The following NTN1 variants were observed in gnomAD, a reference collection of about 807,000 sequenced individuals.
NTN1 encodes the protein netrin 1.
Under a neutral mutation model 54.2 loss-of-function variants are expected in NTN1, and 11 were observed. The observed-to-expected ratio is 0.20, with a 90% CI of 0.13 to 0.34. NTN1 has a LOEUF of 0.34. Among genes scored for constraint, NTN1 ranks in the 10% least tolerant of loss-of-function variants. NTN1 has a pLI of 1.00. For synonymous variants in NTN1, 371 were observed against 382.0 expected, an observed-to-expected ratio of 0.97 and a Z score of 0.33; for missense variants, 740 against 893.1, an observed-to-expected ratio of 0.83 and a Z score of 2.18.
chr17:9,027,994 G>A (rs183591591), intron 2 of NTN1, among the ~76,000 whole-genome samples: 58 of 152,110 alleles, frequency 3.8e-4, no homozygotes, highest in East Asian at 3.3e-3. Flanking sequence ...GCATAGTGGC[G>A]GGTGCCGGTA....
chr17:9,150,706 G>A (rs1348380503), intron 2 of NTN1, among the ~76,000 whole-genome samples: 2 of 152,176 alleles, frequency 1.3e-5, no homozygotes, highest in Non-Finnish European at 2.9e-5. Flanking sequence ...TGTTCGTTAG[G>A]AGGGGATTGT....
chr17:9,017,939 G>A (rs1451594571), upstream of NTN1, among the ~76,000 whole-genome samples: 2 of 152,152 alleles, frequency 1.3e-5, no homozygotes, highest in Non-Finnish European at 2.9e-5. Context: ...AAGATAACTG[G>A]GAACATTTTG....
intron 2 of NTN1, among the ~76,000 whole-genome samples, chr17:9,071,928 G>A (rs544906888): frequency 1.6e-4 from 24 of 152,312 alleles, no homozygotes; most frequent in Admixed American, 1.2e-3. Flanking sequence ...TTATATGGTG[G>A]CCCCTACATT....
At chr17:9,138,565 C>T (rs1252357398) in intron 2 of NTN1, among the ~76,000 whole-genome samples, 4 of 152,228 alleles carry the variant, frequency 2.6e-5, no homozygotes, top group African/African-American at 9.7e-5. Context: ...CCAGACAGAG[C>T]CTCATTCCCA....
chr17:9,188,166 C>T (rs62068204), intron 5 of NTN1, among the ~76,000 whole-genome samples: 7,606 of 152,210 alleles, frequency 0.05, 245 homozygotes, highest in Non-Finnish European at 0.077. Context: ...CAGTGGCTCA[C>T]GCCTGTAATC....
At chr17:9,027,553 A>G (rs1159913944) in intron 2 of NTN1, among the ~76,000 whole-genome samples, 1 of 152,192 alleles carries the variant, frequency 6.6e-6, no homozygotes, top group Non-Finnish European at 1.5e-5. Flanking sequence ...AATGAATGGC[A>G]GTGATATATC....
intron 2 of NTN1, among the ~76,000 whole-genome samples, chr17:9,105,116 G>A (rs2092161837): frequency 6.6e-6 from 1 of 152,310 alleles, no homozygotes; most frequent in East Asian, 1.9e-4. Flanking sequence ...GAAAAGACGT[G>A]GTGTTAGCCC....
intron 5 of NTN1, among the ~76,000 whole-genome samples, chr17:9,203,551 C>A (rs1904873626): frequency 6.6e-6 from 1 of 152,056 alleles, no homozygotes; most frequent in African/African-American, 2.4e-5. Context: ...GTAATCCCAG[C>A]ACTTTGGGAG....
At chr17:9,237,087 C>T (rs1231127885) in intron 6 of NTN1, among the ~76,000 whole-genome samples, 2 of 152,238 alleles carry the variant, frequency 1.3e-5, no homozygotes, top group Non-Finnish European at 2.9e-5. Flanking sequence ...CCAACATCCC[C>T]AAAATCTTCA....
At chr17:9,050,638 C>T (rs2091957379) in intron 2 of NTN1, among the ~76,000 whole-genome samples, 1 of 143,520 alleles carries the variant, frequency 7.0e-6, no homozygotes, top group Admixed American at 7.4e-5. Flanking sequence ...CACTGCACTC[C>T]AGCCTGGGCG....
At chr17:9,164,879 C>G (rs1028315996) in intron 3 of NTN1, among the ~76,000 whole-genome samples, 6 of 152,110 alleles carry the variant, frequency 3.9e-5, no homozygotes, top group Non-Finnish European at 7.3e-5. Context: ...CAAAGGGACC[C>G]GAGAAACATC....
chr17:9,129,428 A>G lies in NTN1; in HGVS notation c.1019-33385A>G, dbSNP rs568291269. On this transcript the variant is annotated intron_variant, in intron 2 of 6. Transcript: ENST00000173229. ...GCTTCTGGTCTGAGTGCCTCTGCTC[A>G]CTGGTCCTTCTTGTTTGCCTGATTG... Among the ~76,000 whole-genome samples, 9 of 152,310 alleles carry G rather than the reference A, an allele frequency of 5.9e-5. 1 individual carries two copies. Among genetic ancestry groups the G allele is most frequent in the African/African-American group, 2.2e-4 (9 of 41,566 alleles).
rs1187267033 is a variant in NTN1 at position 9,120,731 on chromosome 17, TCCCCCCAG to T, written c.1019-42077_1019-42070del. ...CAGAGTTGGTGGGGGTCCCAGGGAG[TCCCCCCAG>T]CCCCTTCCCAGCGTCATAGCGACAT... On this transcript the variant is annotated intron_variant, in intron 2 of 6. Transcript: ENST00000173229. Among the ~76,000 whole-genome samples the T allele has an allele frequency of 4.6e-5, 7 of 151,332 alleles. No homozygotes were observed. The South Asian group carries it at 1.5e-3, about 32-fold the overall frequency.
At chr17:9,196,820 A>T (rs1486997262) in intron 5 of NTN1, among the ~76,000 whole-genome samples, 3 of 152,134 alleles carry the variant, frequency 2.0e-5, no homozygotes, top group Non-Finnish European at 4.4e-5. Context: ...ATCAGGAATG[A>T]AGCAGAGATC....
At chr17:9,234,957 T>G (rs1322793050) in intron 6 of NTN1, among the ~76,000 whole-genome samples, 36 of 86,040 alleles carry the variant, frequency 4.2e-4, no homozygotes, top group African/African-American at 2.0e-3. Flanking sequence ...CTGTTTTTTG[T>G]TTTTTGGTTT....
chr17:9,025,522 GTAGT>G (rs1266851413), intron 2 of NTN1, among the ~76,000 whole-genome samples: 27 of 152,300 alleles, frequency 1.8e-4, no homozygotes, highest in African/African-American at 6.5e-4. Context: ...TTAATTCCCA[GTAGT>G]TAAAGTATCT....
intron 6 of NTN1, among the ~76,000 whole-genome samples, chr17:9,232,426 C>A (rs1905845125): frequency 1.3e-5 from 2 of 152,176 alleles, no homozygotes; most frequent in Admixed American, 6.5e-5. Context: ...CAGGGCTGGT[C>A]TCCTCCCCAA....
chr17:9,160,198 G>T (rs2092353316), intron 2 of NTN1, among the ~76,000 whole-genome samples: 1 of 152,160 alleles, frequency 6.6e-6, no homozygotes, highest in African/African-American at 2.4e-5. Context: ...CCACCTCCCA[G>T]GTTCAAGAGA....
intron 2 of NTN1, among the ~76,000 whole-genome samples, chr17:9,142,424 G>A (rs2092300934): frequency 6.6e-6 from 1 of 152,080 alleles, no homozygotes; most frequent in Admixed American, 6.5e-5. Flanking sequence ...ACCTGCTGCT[G>A]GCCATGCCTT....
Sources: allele counts gnomAD v4.1 joint callset (sites outside exome capture counted in the v4.1 genomes callset), GRCh38; gene constraint gnomAD v4.1.1; transcripts MANE v1.5; gene names NCBI Gene and HGNC (gene_info 2026-07-23, HGNC 2026-07-21).